SLC35F1: variants seen among roughly 807,000 people sequenced by gnomAD.
SLC35F1 encodes the protein chromosome 6 open reading frame 169.
A neutral mutation model predicts 48.7 loss-of-function variants in SLC35F1; 14 were observed. That is an observed-to-expected ratio of 0.29 (90% CI 0.19 to 0.45). The LOEUF (loss-of-function observed/expected upper bound fraction) is 0.45, where lower values mean the gene tolerates loss of function less well. Among genes scored for constraint, SLC35F1 ranks in the 20% least tolerant of loss-of-function variants. SLC35F1 has a pLI of 1.00. For missense variants in SLC35F1, 404 were observed against 500.0 expected (o/e 0.81, Z 1.83); for synonymous variants, 190 against 202.2 (o/e 0.94, Z 0.51).
At chr6:118,259,958 A>G (rs2114612882) in intron 3 of SLC35F1, among the ~76,000 whole-genome samples, 1 of 152,258 alleles carries the variant, frequency 6.6e-6, no homozygotes, top group East Asian at 1.9e-4. Context: ...ATAACCCAAG[A>G]GTGGAAACAA....
At chr6:118,225,539 T>C (rs1272851147) in intron 2 of SLC35F1, among the ~76,000 whole-genome samples, 3 of 152,144 alleles carry the variant, frequency 2.0e-5, no homozygotes. Flanking sequence ...ATGAAAGCAC[T>C]AGAAGAAAAC....
chr6:118,227,929 A>T (rs1046010023), intron 2 of SLC35F1, among the ~76,000 whole-genome samples: 20 of 152,290 alleles, frequency 1.3e-4, no homozygotes, highest in African/African-American at 4.8e-4. Flanking sequence ...CCTTCTGTGC[A>T]GTTTCCTCTT....
chr6:118,302,320 G>T (rs1180648759), intron 7 of SLC35F1, among the ~76,000 whole-genome samples: 1 of 152,160 alleles, frequency 6.6e-6, no homozygotes, highest in East Asian at 1.9e-4. Context: ...TGGGAGACAG[G>T]GAGAGCATTC....
intron 2 of SLC35F1, among the ~76,000 whole-genome samples, chr6:118,186,217 T>C (rs1177456805): frequency 6.6e-6 from 1 of 152,054 alleles, no homozygotes; most frequent in Non-Finnish European, 1.5e-5. Context: ...CTAATATCAG[T>C]CAGTCTCCCC....
At chr6:118,027,894 G>A (rs1209730832) in intron 1 of SLC35F1, among the ~76,000 whole-genome samples, 1 of 152,110 alleles carries the variant, frequency 6.6e-6, no homozygotes, top group East Asian at 1.9e-4. Flanking sequence ...GCAGTAGACA[G>A]TTCACACTTT....
intron 1 of SLC35F1, among the ~76,000 whole-genome samples, chr6:118,030,792 CT>C (rs1480813017): frequency 6.6e-6 from 1 of 152,214 alleles, no homozygotes; most frequent in East Asian, 1.9e-4. Context: ...CTCTTTGAAG[CT>C]TTCTTCATAT....
chr6:117,920,618 T>C (rs529081380), intron 1 of SLC35F1, among the ~76,000 whole-genome samples: 89 of 152,270 alleles, frequency 5.8e-4, no homozygotes, highest in Middle Eastern at 3.4e-3. Flanking sequence ...AGAGCACCCA[T>C]TGAGTGGCAG....
At chr6:118,288,314 G>A (rs1015376108) in intron 7 of SLC35F1, among the ~76,000 whole-genome samples, 3 of 152,128 alleles carry the variant, frequency 2.0e-5, no homozygotes, top group African/African-American at 7.2e-5. Flanking sequence ...TCAGGATGTG[G>A]TGACAATATG....
chr6:118,127,505 C>T (rs1201795829), intron 1 of SLC35F1, among the ~76,000 whole-genome samples: 4 of 151,996 alleles, frequency 2.6e-5, no homozygotes, highest in African/African-American at 9.7e-5. Flanking sequence ...TAAAATGAGT[C>T]AGGGAGGATT....
chr6:117,936,388 G>C (rs1387456346), intron 1 of SLC35F1, among the ~76,000 whole-genome samples: 2 of 152,142 alleles, frequency 1.3e-5, no homozygotes, highest in African/African-American at 4.8e-5. Flanking sequence ...GTGCTAAACT[G>C]TTCCCCAGCC....
chr6:118,080,372 G>T (rs975430289), intron 1 of SLC35F1, among the ~76,000 whole-genome samples: 3 of 152,146 alleles, frequency 2.0e-5, no homozygotes, highest in Non-Finnish European at 2.9e-5. Context: ...TGGCTTGATG[G>T]GTTCTGGAGA....
At chr6:117,909,200 T>C (rs1775733683) in intron 1 of SLC35F1, among the ~76,000 whole-genome samples, 1 of 152,142 alleles carries the variant, frequency 6.6e-6, no homozygotes, top group South Asian at 2.1e-4. Flanking sequence ...TAGCTGAGAA[T>C]ACCACCTTCC....
At chr6:117,987,294 CCTT>C (rs1395289135) in intron 1 of SLC35F1, among the ~76,000 whole-genome samples, 1 of 123,920 alleles carries the variant, frequency 8.1e-6, no homozygotes, top group African/African-American at 2.8e-5. Flanking sequence ...TCCTTCTTTC[CCTT>C]CTTTTTTTTT....
chr6:118,199,724 C>T (rs1486722701), intron 2 of SLC35F1, among the ~76,000 whole-genome samples: 1 of 152,102 alleles, frequency 6.6e-6, no homozygotes, highest in East Asian at 1.9e-4. Context: ...TTTCACCAGA[C>T]ACTATTAGTA....
intron 1 of SLC35F1, among the ~76,000 whole-genome samples, chr6:117,974,711 A>T (rs1776684456): frequency 6.6e-6 from 1 of 152,254 alleles, no homozygotes. Context: ...ATTAAAATAG[A>T]GGAATTTAAA....
At chr6:117,949,495 C>G (rs953755012) in intron 1 of SLC35F1, among the ~76,000 whole-genome samples, 1 of 152,044 alleles carries the variant, frequency 6.6e-6, no homozygotes, top group Admixed American at 6.6e-5. Flanking sequence ...GAATTTAAAG[C>G]CTCTTTGTTA....
intron 1 of SLC35F1, among the ~76,000 whole-genome samples, chr6:118,026,419 T>C (rs1319604534): frequency 6.6e-6 from 1 of 152,198 alleles, no homozygotes; most frequent in African/African-American, 2.4e-5. Flanking sequence ...GGCTGTACTT[T>C]TACAGATGGT....
rs144630081 is a variant in SLC35F1 at position 117,978,208 on chromosome 6, CAATAACAGA to C, written c.173+70315_173+70323del. Among the ~76,000 whole-genome samples the C allele has an allele frequency of 8.7e-3, 1,326 of 152,158 alleles. 22 individuals are homozygous for C. The highest frequency in any genetic ancestry group is 0.03 in the African/African-American group (1,257 of 41,494). Reference sequence around the variant, plus strand: ...GATTTTTTCATGCTTTAGAAATGTCCAATAACAGAAATAAGGGCCTATTTTCTCTTTGGT... The same window carrying C: ...GATTTTTTCATGCTTTAGAAATGTCCAATAAGGGCCTATTTTCTCTTTGGT... On this transcript the variant is annotated intron_variant, in intron 1 of 7. Coordinates refer to ENST00000360388, the MANE Select transcript of SLC35F1 (RefSeq NM_001029858.4).
chr6:118,196,176 T>C (rs1357376755), intron 2 of SLC35F1, among the ~76,000 whole-genome samples: 7 of 152,144 alleles, frequency 4.6e-5, no homozygotes, highest in Non-Finnish European at 1.0e-4. Flanking sequence ...TGAACACAGT[T>C]TGAACACTCA....
Sources: allele counts gnomAD v4.1 joint callset (sites outside exome capture counted in the v4.1 genomes callset), GRCh38; gene constraint gnomAD v4.1.1; transcripts MANE v1.5; gene names NCBI Gene and HGNC (gene_info 2026-07-23, HGNC 2026-07-21).